Variants in CLIC4 observed in about 807,000 individuals in gnomAD.
The protein encoded by CLIC4 is CLIC family member 4.
A neutral mutation model predicts 24.6 loss-of-function variants in CLIC4; 13 were observed. The observed-to-expected ratio is 0.53, with a 90% CI of 0.34 to 0.84. The LOEUF (loss-of-function observed/expected upper bound fraction) is 0.84. CLIC4 is among the 40% of genes least tolerant of loss of function. The pLI is 0.01. For missense variants in CLIC4, 227 were observed against 301.7 expected, an observed-to-expected ratio of 0.75 and a Z score of 1.83; for synonymous variants, 104 against 111.3, an observed-to-expected ratio of 0.93 and a Z score of 0.41.
Position 24,820,079 on chromosome 1 carries a change from GTA to G in CLIC4, c.308+5877_308+5878del, listed in dbSNP as rs779189334. On this transcript the variant is annotated intron_variant, in intron 3 of 5. Transcript: ENST00000374379. ...AAAAAAAAAGTATGTATATATATATGTATATATATATATATATAGACAGTATC... is the reference window on the plus strand; with the variant it reads ...AAAAAAAAAGTATGTATATATATATGTATATATATATATATAGACAGTATC... Among the ~76,000 whole-genome samples the G allele has an allele frequency of 1.3e-3, 62 of 46,336 alleles. 5 individuals are homozygous for G. The East Asian group carries it at 0.042, about 31-fold the overall frequency. The allele number at this position is 46,336 out of a possible 152,430, so 30.4% of individuals were successfully genotyped here.
chr1:24,798,670 T>A (rs1022656349), intron 2 of CLIC4, among the ~76,000 whole-genome samples: 5 of 151,324 alleles, frequency 3.3e-5, no homozygotes, highest in Non-Finnish European at 4.4e-5. Flanking sequence ...CTTTCCACGG[T>A]CTCCCTCTCT....
chr1:24,809,203 CTTTG>C (rs904777607), intron 2 of CLIC4, among the ~76,000 whole-genome samples: 5 of 151,980 alleles, frequency 3.3e-5, no homozygotes, highest in African/African-American at 1.2e-4. Flanking sequence ...TCTTATTTTT[CTTTG>C]TTTAGGAAGC....
intron 1 of CLIC4, among the ~76,000 whole-genome samples, chr1:24,784,773 A>G (rs1295111845): frequency 2.6e-5 from 4 of 152,144 alleles, no homozygotes; most frequent in Admixed American, 6.6e-5. Context: ...TGGGAGGCCG[A>G]GGCAGGCGGA....
chr1:24,814,229 A>G lies in CLIC4; in HGVS notation c.308+10A>G. 1 of 1,607,572 alleles carries G rather than the reference A, an allele frequency of 6.2e-7. No homozygotes were observed. ...TCTTATGCCCTCCCAAGTGAGTATC[A>G]AGGAAAATACGTATGAAAATATTGT... On this transcript the variant is annotated intron_variant, in intron 3 of 5. Coordinates refer to ENST00000374379, the MANE Select transcript of CLIC4 (RefSeq NM_013943.3).
rs756112926 is a variant in CLIC4 at position 24,814,115 on chromosome 1, C to T, written c.204C>T (p.Asn68=). 6.2e-7 allele frequency: 1 copy of T among 1,613,932 alleles called. No homozygotes were observed. The highest frequency in any genetic ancestry group is 1.7e-5 in the Admixed American group (1 of 60,016). ...DLKRKPADLQ[N]LAPGTHPPFI... is the part of the protein sequence containing the mutation. ...ACAGGAAGCCAGCAGACCTGCAGAA[C>T]TTGGCTCCCGGGACCCACCCACCAT... Residue 68 remains asparagine (N), a synonymous_variant, in exon 3 of 6, where the codon AAC becomes AAT. Transcript: ENST00000374379.
intron 1 of CLIC4, among the ~76,000 whole-genome samples, chr1:24,748,499 G>GTT (rs869153638): frequency 0.45 from 36,148 of 80,842 alleles, 8,737 homozygotes; most frequent in Non-Finnish European, 0.53. Context: ...CAGGTTTTTT[G>GTT]TTTTTTTTTT....
At chr1:24,753,113 G>T (rs1326856521) in intron 1 of CLIC4, among the ~76,000 whole-genome samples, 1 of 152,118 alleles carries the variant, frequency 6.6e-6, no homozygotes, top group African/African-American at 2.4e-5. Context: ...CTAATGTGAG[G>T]CTTTTTTTCT....
chr1:24,795,740 T>C (rs1639391255), intron 1 of CLIC4, among the ~76,000 whole-genome samples: 1 of 152,110 alleles, frequency 6.6e-6, no homozygotes, highest in African/African-American at 2.4e-5. Flanking sequence ...TGGCTAATTT[T>C]TGTATTTTTC....
rs558233631 is a variant in CLIC4 at position 24,785,618 on chromosome 1, C to T, written c.73-12124C>T. Among the ~76,000 whole-genome samples the T allele has an allele frequency of 3.3e-5, 5 of 152,166 alleles. No homozygotes were observed. The East Asian group carries it at 9.7e-4, about 29-fold the overall frequency. ...CCTGTAGTCCCAGCACTTTGGGAGG[C>T]CAAGGTGGGCGGATCATGAGGTCAG... On this transcript the variant is annotated intron_variant, in intron 1 of 5. Transcript: ENST00000374379.
intron 2 of CLIC4, among the ~76,000 whole-genome samples, chr1:24,805,065 C>G (rs1639533573): frequency 9.2e-6 from 1 of 108,920 alleles, no homozygotes; most frequent in Non-Finnish European, 1.7e-5. Flanking sequence ...CTAGCCTGGG[C>G]AACAGAGTGA....
At position 24,843,078 on chromosome 1, in the gene CLIC4, C is replaced by T. The variant is rs918875116; in HGVS notation, c.*2141C>T. 12 of 152,230 alleles carry T rather than the reference C, an allele frequency of 7.9e-5. No individual in the cohort carries two copies. The highest frequency in any genetic ancestry group is 2.4e-4 in the African/African-American group (10 of 41,546). The allele number at this position is 152,230 out of a possible 1,614,324, so 9.4% of individuals were successfully genotyped here. A position where few individuals can be genotyped will look rare whatever the true frequency, so the allele number is the denominator to read the frequency against. On this transcript the variant is annotated 3_prime_UTR_variant, in exon 6 of 6. Transcript: ENST00000374379. ...CAAATATTTTCATTTTGGATATTCT[C>T]CTGTTTTTATTAAACCAGTGATTAC...
chr1:24,807,830 C>A (rs913723950), intron 2 of CLIC4, among the ~76,000 whole-genome samples: 16 of 152,060 alleles, frequency 1.1e-4, no homozygotes, highest in Admixed American at 7.9e-4. Context: ...TATTAACTTA[C>A]AGTTAGGCAT....
chr1:24,770,043 T>G (rs1459804423), intron 1 of CLIC4, among the ~76,000 whole-genome samples: 2 of 152,030 alleles, frequency 1.3e-5, no homozygotes, highest in Non-Finnish European at 2.9e-5. Context: ...AATTTTTTTG[T>G]GGAGATGAGG....
Position 24,840,755 on chromosome 1 carries a change from GA to G in CLIC4, c.598-17del. On this transcript the variant is annotated splice_polypyrimidine_tract_variant and intron_variant, in intron 5 of 5. Transcript: ENST00000374379. ...CGTGGAAATAAGTCTGTTAACTTTT[GA>G]TCTCTTTGTATTTCAGGTGGTGGCC... 1 of 1,583,508 alleles carries G rather than the reference GA, an allele frequency of 6.3e-7. No homozygotes were observed. Among genetic ancestry groups the G allele is most frequent in the Non-Finnish European group, 8.6e-7 (1 of 1,165,236 alleles).
rs71032865 is a variant in CLIC4, at chr1:24,822,341, C to CTTTTT, written c.309-4648_309-4644dup. 5.8e-4 allele frequency among the ~76,000 whole-genome samples: 44 copies of CTTTTT among 75,480 alleles called. 1 individual carries two copies. The highest frequency in any genetic ancestry group is 2.4e-3 in the East Asian group (6 of 2,542). The allele number at this position is 75,480 out of a possible 152,430, so 49.5% of individuals were successfully genotyped here. A position where few individuals can be genotyped will look rare whatever the true frequency, so the allele number is the denominator to read the frequency against. On this transcript the variant is annotated intron_variant, in intron 3 of 5. Coordinates refer to ENST00000374379, the MANE Select transcript of CLIC4 (RefSeq NM_013943.3). ...GTTATTAAACTTAATTCAGTGAATTCTTTTTTTTTTTTTTTTTTTTTTTTT... is the reference window on the plus strand; with the variant it reads ...GTTATTAAACTTAATTCAGTGAATTCTTTTTTTTTTTTTTTTTTTTTTTTTTTTTT...
chr1:24,809,835 CTT>C (rs1639594089), intron 2 of CLIC4, among the ~76,000 whole-genome samples: 1 of 152,152 alleles, frequency 6.6e-6, no homozygotes, highest in Non-Finnish European at 1.5e-5. Flanking sequence ...GGCAGGCTAA[CTT>C]AATAACAAGA....
intron 1 of CLIC4, among the ~76,000 whole-genome samples, chr1:24,777,641 T>C (rs1030824408): frequency 6.6e-6 from 1 of 152,224 alleles, no homozygotes; most frequent in African/African-American, 2.4e-5. Context: ...GCCTTTTCTC[T>C]AGATGCCTGC....
Position 24,771,725 on chromosome 1 carries a change from A to G in CLIC4, c.73-26017A>G, listed in dbSNP as rs183011099. 430 of 361,582 alleles carry G rather than the reference A, an allele frequency of 1.2e-3. 2 individuals are homozygous for G. The highest frequency in any genetic ancestry group is 1.8e-3 in the Non-Finnish European group (320 of 179,190). 22.4% of individuals were successfully genotyped at this position (361,582 alleles called of 1,614,324 possible). A position where few individuals can be genotyped will look rare whatever the true frequency, so the allele number is the denominator to read the frequency against. On this transcript the variant is annotated intron_variant, in intron 1 of 5. Coordinates refer to ENST00000374379, the MANE Select transcript of CLIC4 (RefSeq NM_013943.3). ...CCAGAGTTAAAAGTAGTATTCAGTTATTGAACTTGAGACATGTAATTGGGG... is the reference window on the plus strand; with the variant it reads ...CCAGAGTTAAAAGTAGTATTCAGTTGTTGAACTTGAGACATGTAATTGGGG...
intron 1 of CLIC4, among the ~76,000 whole-genome samples, chr1:24,767,019 T>C (rs1360287729): frequency 2.2e-4 from 13 of 59,990 alleles, no homozygotes; most frequent in Non-Finnish European, 3.5e-4. Flanking sequence ...CAATAGCTGA[T>C]GAGCTAAAAA....
Sources: gnomAD v4.1 joint callset for allele counts (sites outside exome capture counted in the v4.1 genomes callset) on GRCh38, gnomAD v4.1.1 for gene constraint, MANE v1.5 for transcripts, NCBI Gene and HGNC (gene_info 2026-07-23, HGNC 2026-07-21) for gene names.